Variants in SYT1 observed in about 807,000 individuals in gnomAD.
The protein encoded by SYT1 is synaptotagmin-1.
A neutral mutation model predicts 44.8 loss-of-function variants in SYT1; 8 were observed. The observed-to-expected ratio is 0.18, with a 90% CI of 0.10 to 0.32. SYT1 has a LOEUF of 0.32. SYT1 is among the 10% of genes least tolerant of loss of function. The pLI, the probability that SYT1 is intolerant of heterozygous loss-of-function variation, is 1.00. For synonymous variants in SYT1, 154 were observed against 188.8 expected (o/e 0.82, Z 1.51); for missense variants, 286 against 509.3 (o/e 0.56, Z 4.22).
At chr12:78,929,764 T>G (rs1219171222) in intron 1 of SYT1, among the ~76,000 whole-genome samples, 5 of 152,118 alleles carry the variant, frequency 3.3e-5, no homozygotes, top group Admixed American at 3.3e-4. Context: ...CCTAAAAGAT[T>G]GTTCTGCAAG....
chr12:79,190,748 C>G (rs1425831869), intron 3 of SYT1, among the ~76,000 whole-genome samples: 1 of 152,000 alleles, frequency 6.6e-6, no homozygotes, highest in Non-Finnish European at 1.5e-5. Context: ...AGTTAAAAAG[C>G]TTTTCATTAG....
intron 1 of SYT1, among the ~76,000 whole-genome samples, chr12:78,970,482 A>C (rs773314919): frequency 6.6e-6 from 1 of 152,228 alleles, no homozygotes; most frequent in Non-Finnish European, 1.5e-5. Flanking sequence ...GAGTCAGTTT[A>C]GCTAGGTGCA....
intron 2 of SYT1, among the ~76,000 whole-genome samples, chr12:79,040,340 T>C (rs545084580): frequency 3.3e-5 from 5 of 152,314 alleles, no homozygotes; most frequent in Middle Eastern, 3.4e-3. Flanking sequence ...TGGTATCTCA[T>C]TGTGGTTTCG....
chr12:79,208,856 G>A (rs745861286), intron 3 of SYT1, among the ~76,000 whole-genome samples: 1 of 152,062 alleles, frequency 6.6e-6, no homozygotes, highest in Non-Finnish European at 1.5e-5. Context: ...TATTCAATTT[G>A]CAAAAGCACT....
At chr12:79,250,312 T>C (rs1877121413) in intron 4 of SYT1, among the ~76,000 whole-genome samples, 2 of 152,154 alleles carry the variant, frequency 1.3e-5, no homozygotes, top group Non-Finnish European at 2.9e-5. Flanking sequence ...AAAGCTCTTA[T>C]TTCTTGTTCT....
chr12:78,943,611 G>A (rs1264578621), intron 1 of SYT1, among the ~76,000 whole-genome samples: 2 of 151,978 alleles, frequency 1.3e-5, no homozygotes, highest in African/African-American at 4.8e-5. Flanking sequence ...GATTTGGCAG[G>A]GACATATATT....
At chr12:79,203,997 A>G (rs1229071401) in intron 3 of SYT1, among the ~76,000 whole-genome samples, 2 of 152,182 alleles carry the variant, frequency 1.3e-5, no homozygotes, top group African/African-American at 2.4e-5. Flanking sequence ...ACATTTATCT[A>G]TTCATTTATT....
chr12:78,973,941 ATATATATATATATATATATATATAT>A (rs1868616855), intron 1 of SYT1, among the ~76,000 whole-genome samples: 6 of 10,748 alleles, frequency 5.6e-4, no homozygotes, highest in South Asian at 6.5e-3. Context: ...AAAAAAAAAT[ATATATATATATATATATATATATAT>A]ATATATATAT....
chr12:79,423,016 A>G (rs1490361104), intron 9 of SYT1, among the ~76,000 whole-genome samples: 2 of 152,110 alleles, frequency 1.3e-5, no homozygotes, highest in Non-Finnish European at 2.9e-5. Context: ...AAGGATAGTC[A>G]TTTAGTTAGT....
At chr12:79,252,525 A>G (rs1245825) in intron 4 of SYT1, among the ~76,000 whole-genome samples, 107,915 of 151,948 alleles carry the variant, frequency 0.71, 38,855 homozygotes, top group African/African-American at 0.79. Context: ...GAAGTTGTGA[A>G]TGGAAGTGAT....
chr12:79,219,927 A>G (rs1038115067), intron 4 of SYT1, among the ~76,000 whole-genome samples: 29 of 151,966 alleles, frequency 1.9e-4, no homozygotes, highest in Admixed American at 1.7e-3. Context: ...TGGCATTTCT[A>G]TCAGGGCTTT....
intron 9 of SYT1, among the ~76,000 whole-genome samples, chr12:79,381,498 G>A (rs1229041683): frequency 6.6e-6 from 1 of 152,248 alleles, no homozygotes; most frequent in East Asian, 1.9e-4. Context: ...ACACAGGAGA[G>A]CAGGGGGTTT....
At chr12:78,903,793 C>A (rs759186091) in intron 1 of SYT1, among the ~76,000 whole-genome samples, 1 of 151,896 alleles carries the variant, frequency 6.6e-6, no homozygotes, top group Admixed American at 6.6e-5. Context: ...TCTTGAATGA[C>A]AAATTATAAG....
chr12:79,390,519 C>CT (rs578135213), intron 9 of SYT1, among the ~76,000 whole-genome samples: 1,777 of 150,892 alleles, frequency 0.012, 37 homozygotes, highest in African/African-American at 0.04. Flanking sequence ...CCTCTTTTAG[C>CT]TTTTTTTTTA....
In SYT1 at chr12:78,900,103, A is replaced by T. The variant is rs145065180; in HGVS notation, c.-217+34994A>T. On this transcript the variant is annotated intron_variant, in intron 1 of 10. Transcript: ENST00000261205. ...CATTGAAAATTGCTATTAAATGTGT[A>T]AGTGGTGACTAAGAGAGGCTGAGGT... 1.3e-3 allele frequency among the ~76,000 whole-genome samples: 196 copies of T among 152,248 alleles called. 1 individual carries two copies. The highest frequency in any genetic ancestry group is 4.4e-3 in the African/African-American group (181 of 41,578).
At chr12:79,388,300 T>G (rs1884518000) in intron 9 of SYT1, among the ~76,000 whole-genome samples, 1 of 152,222 alleles carries the variant, frequency 6.6e-6, no homozygotes, top group African/African-American at 2.4e-5. Flanking sequence ...TATGTCCTTT[T>G]CCTCTTCAAC....
intron 2 of SYT1, among the ~76,000 whole-genome samples, chr12:79,036,252 T>C (rs1349832856): frequency 6.6e-6 from 1 of 151,778 alleles, no homozygotes; most frequent in East Asian, 1.9e-4. Context: ...GTGTTGAATT[T>C]TGTGTTACAG....
chr12:79,013,643 T>C (rs572681909), intron 2 of SYT1, among the ~76,000 whole-genome samples: 98 of 152,310 alleles, frequency 6.4e-4, no homozygotes, highest in South Asian at 1.4e-3. Flanking sequence ...TTAATAAAAA[T>C]ATCCAATCCA....
intron 9 of SYT1, among the ~76,000 whole-genome samples, chr12:79,367,150 G>A (rs1010532096): frequency 3.9e-5 from 6 of 152,046 alleles, no homozygotes; most frequent in African/African-American, 9.7e-5. Flanking sequence ...TTAAGACACC[G>A]AGTTGTCTTC....
Sources: allele counts gnomAD v4.1 joint callset (sites outside exome capture counted in the v4.1 genomes callset), GRCh38; gene constraint gnomAD v4.1.1; transcripts MANE v1.5; gene names NCBI Gene and HGNC (gene_info 2026-07-23, HGNC 2026-07-21).